MFHAS1: variants seen among roughly 807,000 people sequenced by gnomAD.
MFHAS1 encodes the protein malignant fibrous histiocytoma-amplified sequence 1.
MFHAS1 carries 50 observed loss-of-function variants against 70.4 expected under a neutral mutation model. The ratio of observed to expected loss-of-function variants is 0.71; its 90% confidence interval spans 0.57 to 0.90. The LOEUF is 0.90. MFHAS1 is among the 40% of genes least tolerant of loss of function. MFHAS1 has a pLI of 0.00. For synonymous variants in MFHAS1, 952 were observed against 620.0 expected, an observed-to-expected ratio of 1.54 and a Z score of -7.96; for missense variants, 1,795 against 1,347.6, an observed-to-expected ratio of 1.33 and a Z score of -5.20.
intron 1 of MFHAS1, among the ~76,000 whole-genome samples, chr8:8,837,502 C>A (rs1293715834): frequency 3.3e-5 from 5 of 152,004 alleles, no homozygotes; most frequent in Non-Finnish European, 7.4e-5. Context: ...ATTAGCCAAG[C>A]GTGGTGGCGC....
chr8:8,840,461 CAAAAAAAAAA>C (rs141909980), intron 1 of MFHAS1, among the ~76,000 whole-genome samples: 5 of 82,114 alleles, frequency 6.1e-5, no homozygotes, highest in South Asian at 4.1e-4. Flanking sequence ...CATCTCAATA[CAAAAAAAAAA>C]AAAAAAAAAA....
At chr8:8,882,539 G>T (rs1313218221) in intron 1 of MFHAS1, among the ~76,000 whole-genome samples, 1 of 152,180 alleles carries the variant, frequency 6.6e-6, no homozygotes, top group Non-Finnish European at 1.5e-5. Context: ...TTGAACCCGG[G>T]AAGCAGACGT....
intron 1 of MFHAS1, among the ~76,000 whole-genome samples, chr8:8,855,672 A>G (rs1808411650): frequency 6.6e-6 from 1 of 152,114 alleles, no homozygotes; most frequent in Admixed American, 6.6e-5. Context: ...CCTGGCCAAC[A>G]TGGCAAAACC....
In MFHAS1 at chr8:8,807,772, G is replaced by A. The variant is rs562991383; in HGVS notation, c.2999-10281C>T. Among the ~76,000 whole-genome samples the A allele has an allele frequency of 1.3e-3, 194 of 152,280 alleles. 1 individual carries two copies. Among genetic ancestry groups the A allele is most frequent in the African/African-American group, 4.2e-3 (173 of 41,570 alleles). ...CACACTGTAAGTAGCTAAAACTTCC[G>A]AGGTCAATGTTGCAAAGGAGAGCTA... On this transcript the variant is annotated intron_variant, in intron 1 of 2. Coordinates refer to ENST00000276282, the MANE Select transcript of MFHAS1 (RefSeq NM_004225.3).
intron 1 of MFHAS1, among the ~76,000 whole-genome samples, chr8:8,805,603 T>G (rs1806259286): frequency 6.6e-6 from 1 of 152,204 alleles, no homozygotes; most frequent in African/African-American, 2.4e-5. Context: ...AAAATCCTTC[T>G]GTAAGTGGAC....
intron 1 of MFHAS1, among the ~76,000 whole-genome samples, chr8:8,827,768 C>T (rs1319488097): frequency 6.6e-6 from 1 of 152,164 alleles, no homozygotes; most frequent in Non-Finnish European, 1.5e-5. Flanking sequence ...TTTACAGCTT[C>T]TGTGTTTTGT....
At chr8:8,868,610 A>G (rs1156892664) in intron 1 of MFHAS1, among the ~76,000 whole-genome samples, 1 of 152,058 alleles carries the variant, frequency 6.6e-6, no homozygotes, top group African/African-American at 2.4e-5. Context: ...TGAGCATCTT[A>G]TGGAAGATGA....
At chr8:8,870,008 C>T (rs1809012559) in intron 1 of MFHAS1, among the ~76,000 whole-genome samples, 1 of 152,082 alleles carries the variant, frequency 6.6e-6, no homozygotes, top group Admixed American at 6.5e-5. Context: ...AGTGTGCTGA[C>T]AAAATGGAAA....
chr8:8,861,322 A>G (rs1195125477), intron 1 of MFHAS1, among the ~76,000 whole-genome samples: 1 of 152,250 alleles, frequency 6.6e-6, no homozygotes, highest in Non-Finnish European at 1.5e-5. Context: ...ATGCCACGTG[A>G]AATTGCTGCT....
intron 2 of MFHAS1, among the ~76,000 whole-genome samples, chr8:8,794,283 T>C (rs866312956): frequency 1.6e-4 from 25 of 152,252 alleles, no homozygotes; most frequent in African/African-American, 5.3e-4. Flanking sequence ...GGACTTCCAA[T>C]GTCTAGTGCC....
At chr8:8,795,804 G>A (rs556102148) in intron 2 of MFHAS1, among the ~76,000 whole-genome samples, 2 of 152,218 alleles carry the variant, frequency 1.3e-5, no homozygotes, top group African/African-American at 4.8e-5. Flanking sequence ...TTTCCCAAGA[G>A]GAGATGACAG....
chr8:8,868,364 AT>A (rs1352739470), intron 1 of MFHAS1, among the ~76,000 whole-genome samples: 4 of 150,038 alleles, frequency 2.7e-5, no homozygotes, highest in East Asian at 1.9e-4. Context: ...AGATGCAAAG[AT>A]TTTTTTTAAT....
chr8:8,799,195 C>G (rs1489101379), intron 1 of MFHAS1, among the ~76,000 whole-genome samples: 1 of 152,008 alleles, frequency 6.6e-6, no homozygotes, highest in Non-Finnish European at 1.5e-5. Flanking sequence ...TATGTTTTTG[C>G]CTATAAGTAG....
chr8:8,865,016 C>T (rs372711913), intron 1 of MFHAS1, among the ~76,000 whole-genome samples: 1 of 151,984 alleles, frequency 6.6e-6, no homozygotes, highest in African/African-American at 2.4e-5. Context: ...TGGCTCATGC[C>T]GGTAATCCCA....
intron 1 of MFHAS1, among the ~76,000 whole-genome samples, chr8:8,821,405 C>T (rs779564212): frequency 6.6e-6 from 1 of 152,186 alleles, no homozygotes; most frequent in Non-Finnish European, 1.5e-5. Flanking sequence ...GTACAAAGAT[C>T]GAAGATCGGC....
At chr8:8,844,308 G>C (rs1449035902) in intron 1 of MFHAS1, among the ~76,000 whole-genome samples, 3 of 152,128 alleles carry the variant, frequency 2.0e-5, no homozygotes, top group East Asian at 1.9e-4. Context: ...CTTTAAAATG[G>C]GAAAAATGAC....
intron 1 of MFHAS1, among the ~76,000 whole-genome samples, chr8:8,801,768 G>A (rs186311748): frequency 3.9e-5 from 6 of 152,294 alleles, no homozygotes; most frequent in Admixed American, 2.0e-4. Context: ...AGAGTTGAGG[G>A]CACAGCCTCC....
intron 1 of MFHAS1, among the ~76,000 whole-genome samples, chr8:8,874,216 C>G (rs888553510): frequency 1.3e-5 from 2 of 152,000 alleles, no homozygotes; most frequent in Non-Finnish European, 2.9e-5. Flanking sequence ...AGGTGGAGAA[C>G]GTACTTAGTT....
At chr8:8,831,020 A>G (rs1405984326) in intron 1 of MFHAS1, among the ~76,000 whole-genome samples, 1 of 152,178 alleles carries the variant, frequency 6.6e-6, no homozygotes, top group Non-Finnish European at 1.5e-5. Context: ...AGTTTCTCAC[A>G]GTCCAGAGGC....
Sources: gnomAD v4.1 joint callset for allele counts (sites outside exome capture counted in the v4.1 genomes callset) on GRCh38, gnomAD v4.1.1 for gene constraint, MANE v1.5 for transcripts, NCBI Gene and HGNC (gene_info 2026-07-23, HGNC 2026-07-21) for gene names.